The following SCG5 variants were observed in gnomAD, a reference collection of about 807,000 sequenced individuals.
SCG5 encodes neuroendocrine protein 7B2.
A neutral mutation model predicts 25.7 loss-of-function variants in SCG5; 18 were observed. The ratio of observed to expected loss-of-function variants is 0.70; its 90% CI spans 0.48 to 1.04. SCG5 has a LOEUF of 1.04. Ranked by LOEUF, SCG5 falls within the 50% of genes least tolerant of loss-of-function variation. The probability of loss-of-function intolerance (pLI) is 0.00; values close to 1 mark genes in which losing one functional copy is unlikely to be tolerated. For synonymous variants in SCG5, 101 were observed against 91.7 expected (o/e 1.10, Z -0.58); for missense variants, 206 against 259.8 (o/e 0.79, Z 1.42).
chr15:32,692,060 T>A (rs2054868871), intron 5 of SCG5: 8 of 1,240,748 alleles, frequency 6.4e-6, no homozygotes, highest in Non-Finnish European at 7.1e-6. Context: ...GGGACATATC[T>A]GGGGGGACAT....
At chr15:32,692,052 G>C in intron 5 of SCG5, 1 of 1,281,074 alleles carries the variant, frequency 7.8e-7, no homozygotes. Context: ...ATCAGTGTGG[G>C]ACATATCTGG....
At chr15:32,689,881 C>T (rs1269971700) in intron 4 of SCG5, among the ~76,000 whole-genome samples, 10 of 150,518 alleles carry the variant, frequency 6.6e-5, no homozygotes, top group African/African-American at 2.4e-4. Flanking sequence ...TCGCTCTGTC[C>T]CCCAGGCTGG....
rs147280524 is a variant in SCG5, at chr15:32,691,072, C to T, written c.490-638C>T. On this transcript the variant is annotated intron_variant, in intron 4 of 5. Transcript: ENST00000300175. ...AGCCCACTATGTGTTTGAAATACAG[C>T]AATGTGTGGAAACACTTACACAAAC... 2.6e-3 allele frequency among the ~76,000 whole-genome samples: 397 copies of T among 152,230 alleles called. 2 individuals carry two copies. The highest frequency in any genetic ancestry group is 0.017 in the Middle Eastern group (5 of 294).
chr15:32,679,390 C>T (rs186451432), intron 2 of SCG5, among the ~76,000 whole-genome samples: 262 of 151,988 alleles, frequency 1.7e-3, no homozygotes, highest in African/African-American at 5.9e-3. Flanking sequence ...TTAGTAGAGC[C>T]GGGGTTTCAT....
intron 2 of SCG5, among the ~76,000 whole-genome samples, chr15:32,671,199 A>T (rs1394131808): frequency 6.6e-6 from 1 of 152,224 alleles, no homozygotes; most frequent in African/African-American, 2.4e-5. Context: ...GCCTCTTTGT[A>T]TAAAAAGTGC....
intron 2 of SCG5, among the ~76,000 whole-genome samples, chr15:32,647,995 G>T (rs2053971101): frequency 6.6e-6 from 1 of 151,980 alleles, no homozygotes; most frequent in Non-Finnish European, 1.5e-5. Context: ...GGTGACTCCG[G>T]TGTTTGTATT....
intron 2 of SCG5, among the ~76,000 whole-genome samples, chr15:32,644,317 T>G (rs1416956584): frequency 1.3e-5 from 2 of 152,184 alleles, no homozygotes; most frequent in Admixed American, 6.5e-5. Context: ...TCTGACTTGA[T>G]TCCTAGGAAT....
intron 5 of SCG5, among the ~76,000 whole-genome samples, chr15:32,696,255 C>G (rs574215481): frequency 1.3e-5 from 2 of 152,060 alleles, no homozygotes; most frequent in Admixed American, 6.6e-5. Flanking sequence ...GTAGCTGGGA[C>G]TACAGGCACC....
At chr15:32,649,906 C>T (rs2054006508) in intron 2 of SCG5, among the ~76,000 whole-genome samples, 1 of 152,012 alleles carries the variant, frequency 6.6e-6, no homozygotes, top group African/African-American at 2.4e-5. Context: ...ATAAAATCGG[C>T]CCAAATAAAA....
At chr15:32,652,653 T>C (rs1327053921) in intron 2 of SCG5, among the ~76,000 whole-genome samples, 1 of 152,152 alleles carries the variant, frequency 6.6e-6, no homozygotes, top group Admixed American at 6.5e-5. Flanking sequence ...GGTTTTGGCC[T>C]CAGGTGTTTG....
At chr15:32,662,220 AAAG>A (rs913097862) in intron 2 of SCG5, among the ~76,000 whole-genome samples, 5 of 152,166 alleles carry the variant, frequency 3.3e-5, no homozygotes, top group African/African-American at 1.2e-4. Flanking sequence ...ATTTCTATGA[AAAG>A]AAGAATAATT....
At chr15:32,658,371 A>G (rs751033785) in intron 2 of SCG5, among the ~76,000 whole-genome samples, 3 of 152,226 alleles carry the variant, frequency 2.0e-5, no homozygotes, top group Non-Finnish European at 2.9e-5. Context: ...CCTAGAGAAG[A>G]CATCACAGAT....
At chr15:32,694,129 C>T (rs2054913550) in intron 5 of SCG5, among the ~76,000 whole-genome samples, 1 of 152,018 alleles carries the variant, frequency 6.6e-6, no homozygotes, top group South Asian at 2.1e-4. Flanking sequence ...CAAAACAAAA[C>T]AAAAACAAAC....
Position 32,641,765 on chromosome 15 carries a change from C to T in SCG5, c.-21C>T, listed in dbSNP as rs2053862819. On this transcript the variant is annotated 5_prime_UTR_variant, in exon 1 of 6. Coordinates refer to ENST00000300175, the MANE Select transcript of SCG5 (RefSeq NM_001144757.3). ...AAGGCCCATACCGCAGTAGGCTCCT[C>T]GGGCTGCCCCTCGGTGAGTACAGTT... is the stretch of plus-strand genomic sequence containing the variant. The T allele has an allele frequency of 6.6e-6, 1 of 152,284 alleles. No homozygotes were observed. Among genetic ancestry groups the T allele is most frequent in the Non-Finnish European group, 1.5e-5 (1 of 68,124 alleles). 9.4% of individuals were successfully genotyped at this position (152,284 alleles called of 1,614,324 possible). A position where few individuals can be genotyped will look rare whatever the true frequency, so the allele number is the denominator to read the frequency against.
chr15:32,679,152 C>G (rs565021433), intron 2 of SCG5, among the ~76,000 whole-genome samples: 5 of 152,104 alleles, frequency 3.3e-5, no homozygotes, highest in Non-Finnish European at 7.4e-5. Flanking sequence ...AAGAAGCCCT[C>G]CCATCCCATC....
At chr15:32,658,696 A>C (rs1169421104) in intron 2 of SCG5, among the ~76,000 whole-genome samples, 1 of 152,184 alleles carries the variant, frequency 6.6e-6, no homozygotes, top group Non-Finnish European at 1.5e-5. Flanking sequence ...GTCCTTGCAG[A>C]TAAATAGGCT....
chr15:32,674,343 TAGAG>T (rs1174588219), intron 2 of SCG5, among the ~76,000 whole-genome samples: 3 of 152,286 alleles, frequency 2.0e-5, no homozygotes, highest in Non-Finnish European at 2.9e-5. Flanking sequence ...ATGCACATTT[TAGAG>T]AGTCAAATTA....
intron 2 of SCG5, among the ~76,000 whole-genome samples, chr15:32,651,149 A>G (rs543003451): frequency 6.6e-4 from 100 of 152,342 alleles, no homozygotes; most frequent in African/African-American, 2.3e-3. Flanking sequence ...CAGTGAGCCA[A>G]GATCGCCCAT....
chr15:32,657,450 T>C (rs1448483539), intron 2 of SCG5, among the ~76,000 whole-genome samples: 4 of 151,630 alleles, frequency 2.6e-5, no homozygotes, highest in African/African-American at 9.7e-5. Context: ...AAATAGCAAC[T>C]TTTTCATACT....
Sources: allele counts gnomAD v4.1 joint callset (sites outside exome capture counted in the v4.1 genomes callset), GRCh38; gene constraint gnomAD v4.1.1; transcripts MANE v1.5; gene names NCBI Gene and HGNC (gene_info 2026-07-23, HGNC 2026-07-21).